FMNL2: variants seen among roughly 807,000 people sequenced by gnomAD.
The protein encoded by FMNL2 is formin-like protein 2.
A neutral mutation model predicts 130.2 loss-of-function variants in FMNL2; 51 were observed. The observed-to-expected ratio is 0.39, with a 90% CI of 0.31 to 0.49. The LOEUF (loss-of-function observed/expected upper bound fraction) is 0.49, where lower values mean the gene tolerates loss of function less well. Among genes scored for constraint, FMNL2 ranks in the 20% least tolerant of loss-of-function variants. The pLI is 0.85. For synonymous variants in FMNL2, 465 were observed against 467.1 expected, an observed-to-expected ratio of 1.00 and a Z score of 0.06; for missense variants, 977 against 1,316.2, an observed-to-expected ratio of 0.74 and a Z score of 3.99.
At chr2:152,409,397 G>C (rs1360972521) in intron 1 of FMNL2, among the ~76,000 whole-genome samples, 1 of 152,286 alleles carries the variant, frequency 6.6e-6, no homozygotes, top group East Asian at 1.9e-4. Context: ...GGTCTCTGCT[G>C]TGGGTAAAAC....
chr2:152,521,927 T>C lies in FMNL2; in HGVS notation c.118-16T>C, dbSNP rs755973752. 2.5e-6 allele frequency: 4 copies of C among 1,604,224 alleles called. No homozygotes were observed. The highest frequency in any genetic ancestry group is 2.7e-5 in the African/African-American group (2 of 74,740). The stretch of plus-strand genomic sequence containing the variant: ...TGGAATGTGACATCTTTTCTCTCTT[T>C]ATTTTTTTTAAACAGAATGCTATGA... On this transcript the variant is annotated splice_polypyrimidine_tract_variant and intron_variant, in intron 1 of 25. Transcript: ENST00000288670.
intron 2 of FMNL2, among the ~76,000 whole-genome samples, chr2:152,540,331 T>A (rs1694239711): frequency 6.6e-6 from 1 of 152,090 alleles, no homozygotes; most frequent in African/African-American, 2.4e-5. Context: ...TGATGGTGAT[T>A]TAAAAAAAGT....
chr2:152,536,973 T>A (rs1694024473), intron 2 of FMNL2, among the ~76,000 whole-genome samples: 1 of 152,186 alleles, frequency 6.6e-6, no homozygotes, highest in Non-Finnish European at 1.5e-5. Flanking sequence ...AGATCAGAAA[T>A]GCTAAGCTAG....
chr2:152,577,566 A>G (rs758313642), intron 7 of FMNL2, among the ~76,000 whole-genome samples: 11 of 152,192 alleles, frequency 7.2e-5, no homozygotes, highest in Non-Finnish European at 1.3e-4. Flanking sequence ...TATGAACTCT[A>G]GGGCTCTCTG....
Position 152,403,355 on chromosome 2 carries a change from A to G in FMNL2, c.117+67635A>G, listed in dbSNP as rs578122111. On this transcript the variant is annotated intron_variant, in intron 1 of 25. Transcript: ENST00000288670. ...GATGTTGAGAGAGGAGGATCTATCT[A>G]ACTTATTTGGAATTCTTCTGCCTGG... 1.7e-4 allele frequency among the ~76,000 whole-genome samples: 26 copies of G among 152,228 alleles called. No individual in the cohort carries two copies. In the East Asian group the frequency reaches 4.8e-3, roughly 28 times the overall value.
In FMNL2 at chr2:152,619,650, C is replaced by G. The variant is rs1699146141; in HGVS notation, c.1769C>G (p.Pro590Arg). The change falls in exon 15 of 26, where the codon CCC becomes CGC. Residue 590 changes from proline (P) to arginine (R), a missense_variant. Pro to Arg is a moderately radical substitution (Grantham distance 103). Around this residue, in one of 4 missense-constraint regions of FMNL2, gnomAD observed 689 missense variants for 995.9 expected, o/e 0.69. Transcript: ENST00000288670. ...GTACCAGCTCCTCCCTTAGCACCTC[C>G]CCTTCCCTCTGCACCTCCGCTGCCT... Reference protein sequence around the residue: ...ETVPAPPLAPPLPSAPPLPGT... With the variant: ...ETVPAPPLAPRLPSAPPLPGT... 1.2e-6 allele frequency: 2 copies of G among 1,612,126 alleles called. No homozygotes were observed. Among genetic ancestry groups the G allele is most frequent in the South Asian group, 2.2e-5 (2 of 90,622 alleles).
intron 8 of FMNL2, among the ~76,000 whole-genome samples, chr2:152,579,910 C>T (rs1247520608): frequency 3.9e-5 from 6 of 152,150 alleles, no homozygotes; most frequent in African/African-American, 1.4e-4. Flanking sequence ...CATCCAATAC[C>T]TCTCTGTAGA....
At chr2:152,495,238 G>A (rs1237258152) in intron 1 of FMNL2, among the ~76,000 whole-genome samples, 1 of 152,086 alleles carries the variant, frequency 6.6e-6, no homozygotes, top group Non-Finnish European at 1.5e-5. Flanking sequence ...AGAATTCTTG[G>A]AGTTCTGTTA....
rs1409247931 is a variant in FMNL2, at chr2:152,639,939, G to C, written c.2947-19G>C. 12 of 1,535,120 alleles carry C rather than the reference G, an allele frequency of 7.8e-6. No homozygotes were observed. The highest frequency in any genetic ancestry group is 8.8e-6 in the Non-Finnish European group (10 of 1,142,848). ...CATTTCCATTAACATCATCTTTCTG[G>C]TTCTTTTGATTTACCCAGCAAGCAG... On this transcript the variant is annotated intron_variant, in intron 23 of 25. Transcript: ENST00000288670.
rs575860339 is a variant in FMNL2 at position 152,514,838 on chromosome 2, G to A, written c.118-7105G>A. Among the ~76,000 whole-genome samples, 217 of 152,234 alleles carry A rather than the reference G, an allele frequency of 1.4e-3. 1 individual carries two copies. The highest frequency in any genetic ancestry group is 6.4e-3 in the South Asian group (31 of 4,822). On this transcript the variant is annotated intron_variant, in intron 1 of 25. Coordinates refer to ENST00000288670, the MANE Select transcript of FMNL2 (RefSeq NM_052905.4). ...TGGTTGAACTCAGGGAACTGAAATA[G>A]CGAAATAACAGAAAGCAAAATCATA...
intron 1 of FMNL2, among the ~76,000 whole-genome samples, chr2:152,478,262 T>C (rs2105217639): frequency 6.9e-6 from 1 of 144,054 alleles, no homozygotes; most frequent in African/African-American, 2.5e-5. Flanking sequence ...TTTTTTTTTT[T>C]TTTTTTGAGA....
chr2:152,356,299 A>G (rs915688193), intron 1 of FMNL2, among the ~76,000 whole-genome samples: 2 of 151,872 alleles, frequency 1.3e-5, no homozygotes, highest in Non-Finnish European at 2.9e-5. Flanking sequence ...ATGTTTTTGT[A>G]TTTTTGTGTA....
chr2:152,543,920 C>G (rs1378982420), intron 3 of FMNL2, among the ~76,000 whole-genome samples: 3 of 152,102 alleles, frequency 2.0e-5, no homozygotes, highest in Non-Finnish European at 4.4e-5. Context: ...ACACAACCTT[C>G]AATCCAGGAA....
intron 9 of FMNL2, among the ~76,000 whole-genome samples, chr2:152,606,068 C>T (rs1027335952): frequency 3.3e-5 from 5 of 152,158 alleles, no homozygotes; most frequent in East Asian, 3.8e-4. Flanking sequence ...TTCCTGCCTT[C>T]GTGGGAATTT....
intron 1 of FMNL2, among the ~76,000 whole-genome samples, chr2:152,425,002 A>T (rs75260646): frequency 0.022 from 3,307 of 152,276 alleles, 106 homozygotes; most frequent in African/African-American, 0.076. Context: ...CTCTTCATGT[A>T]TCATTTTTGT....
In FMNL2 at chr2:152,639,955, C is replaced by A; in HGVS notation, c.2947-3C>A. 6.5e-7 allele frequency: 1 copy of A among 1,547,504 alleles called. No individual in the cohort carries two copies. The highest frequency in any genetic ancestry group is 8.7e-7 in the Non-Finnish European group (1 of 1,147,726). On this transcript the variant is annotated splice_polypyrimidine_tract_variant and splice_region_variant and intron_variant, in intron 23 of 25. Coordinates refer to ENST00000288670, the MANE Select transcript of FMNL2 (RefSeq NM_052905.4). Reference sequence around the variant, plus strand: ...ATCTTTCTGGTTCTTTTGATTTACCCAGCAAGCAGAAGAGGAAAATGAGCT... The same window carrying A: ...ATCTTTCTGGTTCTTTTGATTTACCAAGCAAGCAGAAGAGGAAAATGAGCT...
At chr2:152,359,435 A>C (rs1683032330) in intron 1 of FMNL2, among the ~76,000 whole-genome samples, 1 of 150,572 alleles carries the variant, frequency 6.6e-6, no homozygotes, top group South Asian at 2.1e-4. Context: ...TGTGCTATAT[A>C]TTCATCATTT....
chr2:152,336,914 A>C (rs1339896824), intron 1 of FMNL2, among the ~76,000 whole-genome samples: 1 of 152,126 alleles, frequency 6.6e-6, no homozygotes, highest in African/African-American at 2.4e-5. Context: ...GAAAACTTAG[A>C]ACTTTGGCAG....
chr2:152,646,652 CTTG>C (rs1437370931), intron 25 of FMNL2, among the ~76,000 whole-genome samples: 13 of 152,080 alleles, frequency 8.5e-5, no homozygotes, highest in Admixed American at 4.6e-4. Context: ...GCATTTTCAA[CTTG>C]TTGAGTAGAT....
Sources: gnomAD v4.1 joint callset for allele counts (sites outside exome capture counted in the v4.1 genomes callset) on GRCh38, gnomAD v4.1.1 for gene constraint, gnomAD v4.1.1 regional missense constraint, MANE v1.5 for transcripts, NCBI Gene and HGNC (gene_info 2026-07-23, HGNC 2026-07-21) for gene names.